FRMD6: variants seen among roughly 807,000 people sequenced by gnomAD.
The protein encoded by FRMD6 is FERM domain containing 6, also known as FERM domain-containing protein 6.
FRMD6 carries 37 observed loss-of-function variants against 73.2 expected under a neutral mutation model. That is an observed-to-expected ratio of 0.51 (90% CI 0.39 to 0.66). FRMD6 has a LOEUF of 0.66. Among genes scored for constraint, FRMD6 ranks in the 30% least tolerant of loss-of-function variants. The probability of loss-of-function intolerance (pLI) is 0.00; values close to 1 mark genes in which losing one functional copy is unlikely to be tolerated. For missense variants in FRMD6, 714 were observed against 780.5 expected, an observed-to-expected ratio of 0.91 and a Z score of 1.02; for synonymous variants, 273 against 282.2, an observed-to-expected ratio of 0.97 and a Z score of 0.33.
intron 1 of FRMD6, among the ~76,000 whole-genome samples, chr14:51,526,128 C>T (rs1185214684): frequency 6.6e-6 from 1 of 152,178 alleles, no homozygotes; most frequent in African/African-American, 2.4e-5. Flanking sequence ...CTGCCCTGCT[C>T]TTGATAGGGA....
the FRMD6 span, among the ~76,000 whole-genome samples, chr14:51,421,136 A>G: frequency 2.6e-5 from 4 of 152,262 alleles, no homozygotes; most frequent in South Asian, 6.2e-4. Context: ...CTTGGAACCA[A>G]TCCCCTACAG....
intron 1 of FRMD6, among the ~76,000 whole-genome samples, chr14:51,536,101 G>T (rs757258329): frequency 9.5e-5 from 14 of 147,778 alleles, no homozygotes; most frequent in Non-Finnish European, 1.9e-4. Context: ...TATATATAGA[G>T]AGAGAGAGAG....
intron 2 of FRMD6, among the ~76,000 whole-genome samples, chr14:51,610,329 CT>C (rs141213133): frequency 1.6e-4 from 22 of 138,646 alleles, no homozygotes; most frequent in Non-Finnish European, 2.4e-4. Flanking sequence ...TTTTTAATCC[CT>C]TTTTTTTTAA....
the FRMD6 span, among the ~76,000 whole-genome samples, chr14:51,434,313 T>C: frequency 1.3e-5 from 2 of 152,154 alleles, no homozygotes; most frequent in Non-Finnish European, 2.9e-5. Context: ...TAAATGCCAT[T>C]CTTCAATAAA....
At chr14:51,500,496 GCGACAC>G in intron 1 of FRMD6, among the ~76,000 whole-genome samples, 1 of 151,272 alleles carries the variant, frequency 6.6e-6, no homozygotes, top group South Asian at 2.1e-4. Flanking sequence ...TCCAGCCTGG[GCGACAC>G]TGCACTCCAG....
chr14:51,518,987 T>C (rs1884793051), intron 1 of FRMD6, among the ~76,000 whole-genome samples: 1 of 152,182 alleles, frequency 6.6e-6, no homozygotes, highest in South Asian at 2.1e-4. Context: ...ACATAACGAT[T>C]TGTCAGCACT....
chr14:51,603,944 CA>C (rs34108011), intron 2 of FRMD6, among the ~76,000 whole-genome samples: 35,996 of 142,614 alleles, frequency 0.25, 4,198 homozygotes, highest in Admixed American at 0.32. Context: ...TCTTGTGATA[CA>C]AAAAAAAAAA....
Position 51,712,570 on chromosome 14 carries a change from G to A in FRMD6, c.849+19G>A. On this transcript the variant is annotated intron_variant, in intron 9 of 13. Coordinates refer to ENST00000344768, the MANE Select transcript of FRMD6 (RefSeq NM_001267046.2). ...GTTTGTGGTAAGTTTAAAATAACTG[G>A]CTTAAAAGAAAAGTCTCATTAATTG... 6.6e-7 allele frequency: 1 copy of A among 1,508,224 alleles called. No homozygotes were observed. The highest frequency in any genetic ancestry group is 9.2e-7 in the Non-Finnish European group (1 of 1,089,048). The allele number at this position is 1,508,224 out of a possible 1,614,324, so 93.4% of individuals were successfully genotyped here.
At chr14:51,631,950 T>G (rs1327324334) in intron 2 of FRMD6, among the ~76,000 whole-genome samples, 1 of 152,222 alleles carries the variant, frequency 6.6e-6, no homozygotes, top group Non-Finnish European at 1.5e-5. Context: ...ATGCTCCAAG[T>G]GATATGATTT....
the FRMD6 span, among the ~76,000 whole-genome samples, chr14:51,420,569 A>G: frequency 3.9e-3 from 591 of 152,346 alleles, 2 homozygotes; most frequent in East Asian, 8.7e-3. Context: ...TCAACCAACC[A>G]CATATCAAAA....
the FRMD6 span, among the ~76,000 whole-genome samples, chr14:51,448,431 G>A: frequency 6.6e-6 from 1 of 152,232 alleles, no homozygotes; most frequent in African/African-American, 2.4e-5. Context: ...GTGAGGGACT[G>A]CATCTATTTC....
At chr14:51,556,851 T>A (rs549289905) in intron 1 of FRMD6, among the ~76,000 whole-genome samples, 163 of 152,308 alleles carry the variant, frequency 1.1e-3, no homozygotes, top group African/African-American at 3.8e-3. Flanking sequence ...AAAACTTTAT[T>A]CAAGTGGCTT....
chr14:51,721,750 GGAA>G (rs1410650681), intron 11 of FRMD6, among the ~76,000 whole-genome samples, 196 bp from the exon 12 acceptor site: 69 of 108,830 alleles, frequency 6.3e-4, no homozygotes, highest in South Asian at 1.7e-3. Flanking sequence ...AAGGAAGGGA[GGAA>G]GGAAGGAGGG....
chr14:51,621,367 C>T (rs908370682), intron 2 of FRMD6, among the ~76,000 whole-genome samples: 1 of 152,160 alleles, frequency 6.6e-6, no homozygotes, highest in Non-Finnish European at 1.5e-5. Flanking sequence ...TTCTGCCTTT[C>T]TCTTATAGTG....
At chr14:51,419,212 C>T in the FRMD6 span, among the ~76,000 whole-genome samples, 16 of 152,318 alleles carry the variant, frequency 1.1e-4, no homozygotes, top group East Asian at 5.8e-4. Context: ...CCCCGTGAGA[C>T]GAACCAGGTA....
At chr14:51,541,783 G>A (rs1886212063) in intron 1 of FRMD6, among the ~76,000 whole-genome samples, 1 of 152,070 alleles carries the variant, frequency 6.6e-6, no homozygotes. Context: ...GATGTCACAG[G>A]AAGAGTTCTG....
intron 2 of FRMD6, among the ~76,000 whole-genome samples, chr14:51,594,995 T>C (rs912410212): frequency 1.3e-5 from 2 of 152,188 alleles, no homozygotes; most frequent in Non-Finnish European, 2.9e-5. Context: ...AATGATGAGC[T>C]GTTGGGTTAA....
At chr14:51,446,021 C>T in the FRMD6 span, among the ~76,000 whole-genome samples, 13 of 152,158 alleles carry the variant, frequency 8.5e-5, no homozygotes, top group Non-Finnish European at 1.3e-4. Context: ...TTGGTACTTA[C>T]CACTGTCACA....
At chr14:51,683,685 G>C (rs1894963987) in intron 1 of FRMD6, among the ~76,000 whole-genome samples, 1 of 151,926 alleles carries the variant, frequency 6.6e-6, no homozygotes, top group Non-Finnish European at 1.5e-5. Flanking sequence ...ATAATCTTAG[G>C]CGGCCAATAC....
Sources: gnomAD v4.1 joint callset for allele counts (sites outside exome capture counted in the v4.1 genomes callset) on GRCh38, gnomAD v4.1.1 for gene constraint, MANE v1.5 for transcripts, NCBI Gene and HGNC (gene_info 2026-07-23, HGNC 2026-07-21) for gene names.